Variants in RIMS1 observed in about 807,000 individuals in gnomAD.
RIMS1 encodes the protein regulating synaptic membrane exocytosis protein 1.
RIMS1 carries 83 observed loss-of-function variants against 214.1 expected under a neutral mutation model. That is an observed-to-expected ratio of 0.39 (90% CI 0.32 to 0.47). The LOEUF (loss-of-function observed/expected upper bound fraction) is 0.47. Among genes scored for constraint, RIMS1 ranks in the 20% least tolerant of loss-of-function variants. The pLI, the probability that RIMS1 is intolerant of heterozygous loss-of-function variation, is 0.99. For missense variants in RIMS1, 2,050 were observed against 2,161.8 expected (o/e 0.95, Z 1.03); for synonymous variants, 793 against 786.8 (o/e 1.01, Z -0.13).
At chr6:72,376,346 C>T (rs937572763) in intron 29 of RIMS1, among the ~76,000 whole-genome samples, 3 of 152,058 alleles carry the variant, frequency 2.0e-5, no homozygotes, top group African/African-American at 7.2e-5. Context: ...TCCCAGTCCC[C>T]GGTGTGTTAA....
Position 72,123,152 on chromosome 6 carries a change from A to G in RIMS1, c.471+23166A>G, listed in dbSNP as rs907231344. On this transcript the variant is annotated intron_variant, in intron 4 of 33. Coordinates refer to ENST00000521978, the MANE Select transcript of RIMS1 (RefSeq NM_014989.7). The stretch of plus-strand genomic sequence containing the variant: ...CTACACACTGCTTTAAATGTATCCC[A>G]GAGATTATGATATGTTGTGTCTTTG... Among the ~76,000 whole-genome samples, 3 of 151,754 alleles carry G rather than the reference A, an allele frequency of 2.0e-5. No homozygotes were observed. The South Asian group carries it at 6.3e-4, about 32-fold the overall frequency.
At chr6:72,173,615 A>C (rs575263195) in intron 4 of RIMS1, among the ~76,000 whole-genome samples, 1 of 152,276 alleles carries the variant, frequency 6.6e-6, no homozygotes, top group South Asian at 2.1e-4. Flanking sequence ...TCTGAACACT[A>C]ATTAAAGGTT....
chr6:72,038,090 C>CAAAAAAAAAAAAAAAA (rs869130217), intron 2 of RIMS1, among the ~76,000 whole-genome samples: 2 of 22,246 alleles, frequency 9.0e-5, no homozygotes, highest in Non-Finnish European at 1.6e-4. Context: ...AACAAACAAG[C>CAAAAAAAAAAAAAAAA]AAAAAAAAAA....
At chr6:72,334,023 G>A (rs1031264417) in intron 29 of RIMS1, among the ~76,000 whole-genome samples, 188 bp downstream of exon 29, 1 of 151,626 alleles carries the variant, frequency 6.6e-6, no homozygotes, top group Non-Finnish European at 1.5e-5. Flanking sequence ...CTCTTCACAA[G>A]GTATCACTTT....
intron 2 of RIMS1, among the ~76,000 whole-genome samples, chr6:72,029,143 G>A (rs1467886464): frequency 6.6e-6 from 1 of 152,084 alleles, no homozygotes; most frequent in Non-Finnish European, 1.5e-5. Flanking sequence ...TTTCTATGAT[G>A]TGGCTTGATC....
Position 72,339,235 on chromosome 6 carries a change from G to T in RIMS1, c.4366+5400G>T, listed in dbSNP as rs953527456. Among the ~76,000 whole-genome samples the T allele has an allele frequency of 3.3e-5, 5 of 151,644 alleles. No individual in the cohort carries two copies. The East Asian group carries it at 9.7e-4, about 30-fold the overall frequency. ...GGATAAGTACACAAGGAAGGACTTT[G>T]CACAACTGAGGGAAGAGTACTTTTT... On this transcript the variant is annotated intron_variant, in intron 29 of 33. Coordinates refer to ENST00000521978, the MANE Select transcript of RIMS1 (RefSeq NM_014989.7).
rs71540331 is a variant in RIMS1, at chr6:72,221,291, A to AGTGTGT, written c.1679-12456_1679-12451dup. Among the ~76,000 whole-genome samples the AGTGTGT allele has an allele frequency of 6.4e-3, 888 of 138,624 alleles. 14 individuals carry two copies. Among genetic ancestry groups the AGTGTGT allele is most frequent in the African/African-American group, 0.022 (846 of 38,088 alleles). The allele number at this position is 138,624 out of a possible 152,430, so 90.9% of individuals were successfully genotyped here. On this transcript the variant is annotated intron_variant, in intron 6 of 33. Coordinates refer to ENST00000521978, the MANE Select transcript of RIMS1 (RefSeq NM_014989.7). The stretch of plus-strand genomic sequence containing the variant: ...ATGGTAGGCCCAAAGATCTGGGGTG[A>AGTGTGT]GTGTGTGTGTGTGTGTGTGTGTGTG...
At position 71,887,054 on chromosome 6, in the gene RIMS1, C is replaced by T. The variant is rs372470757; in HGVS notation, c.31C>T (p.Arg11Cys). The T allele has an allele frequency of 3.7e-6, 6 of 1,613,412 alleles. No individual in the cohort carries two copies. Among genetic ancestry groups the T allele is most frequent in the East Asian group, 2.2e-5 (1 of 44,866 alleles). The change falls in exon 1 of 34, where the codon CGC (arginine) becomes TGC (cysteine). Residue 11 changes from arginine (R) to cysteine (C), a missense_variant. Around this residue, in one of 6 missense-constraint regions of RIMS1, gnomAD observed 882 missense variants for 828.9 expected, o/e 1.06. Transcript: ENST00000521978. ...CTCGGCCGTGGGGCCCCGCGGTCCT[C>T]GCCCACCCACGGTGCCTCCCCCCAT... MSSAVGPRGP[R>C]PPTVPPPMQE...
intron 28 of RIMS1, among the ~76,000 whole-genome samples, chr6:72,320,197 T>G (rs192473438): frequency 7.7e-4 from 117 of 152,236 alleles, no homozygotes; most frequent in African/African-American, 2.3e-3. Flanking sequence ...GTTATGCCCA[T>G]GGACTGTTGG....
intron 1 of RIMS1, among the ~76,000 whole-genome samples, chr6:71,956,280 T>C (rs1791255610): frequency 6.6e-6 from 1 of 152,132 alleles, no homozygotes; most frequent in African/African-American, 2.4e-5. Flanking sequence ...GTTTTAATCT[T>C]TCTCTTTCTT....
chr6:71,914,219 A>G (rs1163756460), intron 1 of RIMS1, among the ~76,000 whole-genome samples: 1 of 152,164 alleles, frequency 6.6e-6, no homozygotes, highest in African/African-American at 2.4e-5. Flanking sequence ...TGCTTCTACT[A>G]TAAACAATGT....
At chr6:71,993,231 A>G (rs1414080445) in intron 2 of RIMS1, among the ~76,000 whole-genome samples, 1 of 152,198 alleles carries the variant, frequency 6.6e-6, no homozygotes. Flanking sequence ...AGAGAAAAGA[A>G]GACTGTTTTG....
chr6:72,299,769 G>A (rs978891239), intron 26 of RIMS1, among the ~76,000 whole-genome samples: 3 of 151,826 alleles, frequency 2.0e-5, no homozygotes, highest in Non-Finnish European at 2.9e-5. Context: ...TACTGTGGTT[G>A]TGAAACACTA....
intron 1 of RIMS1, among the ~76,000 whole-genome samples, chr6:71,950,951 A>C (rs773812031): frequency 7.9e-5 from 12 of 152,214 alleles, no homozygotes; most frequent in Non-Finnish European, 1.6e-4. Context: ...AAAGAAAGCC[A>C]GCATTTTAAG....
At chr6:71,962,972 G>A (rs1359115596) in intron 1 of RIMS1, among the ~76,000 whole-genome samples, 2 of 152,058 alleles carry the variant, frequency 1.3e-5, no homozygotes, top group Non-Finnish European at 2.9e-5. Context: ...ATATTCTGAT[G>A]TCACCATTGT....
At chr6:71,923,168 G>A (rs1245051902) in intron 1 of RIMS1, among the ~76,000 whole-genome samples, 2 of 152,120 alleles carry the variant, frequency 1.3e-5, no homozygotes, top group South Asian at 2.1e-4. Flanking sequence ...CCGCAGATAG[G>A]TTTCTATATT....
At chr6:72,356,403 C>T (rs2097646546) in intron 29 of RIMS1, among the ~76,000 whole-genome samples, 1 of 152,088 alleles carries the variant, frequency 6.6e-6, no homozygotes, top group Admixed American at 6.6e-5. Flanking sequence ...AAAGACAGGG[C>T]ATAGCCTCAA....
chr6:71,972,997 C>T (rs1442406754), intron 2 of RIMS1, among the ~76,000 whole-genome samples: 2 of 152,146 alleles, frequency 1.3e-5, no homozygotes, highest in Non-Finnish European at 2.9e-5. Flanking sequence ...CTCACTGCAA[C>T]CTCTGCCTCC....
intron 29 of RIMS1, among the ~76,000 whole-genome samples, chr6:72,348,177 GT>G (rs1191328221): frequency 6.6e-5 from 10 of 152,000 alleles, no homozygotes; most frequent in African/African-American, 2.4e-4. Flanking sequence ...ATAAAAACAT[GT>G]TTTTTAAGTT....
Sources: gnomAD v4.1 joint callset for allele counts (sites outside exome capture counted in the v4.1 genomes callset) on GRCh38, gnomAD v4.1.1 for gene constraint, gnomAD v4.1.1 regional missense constraint, MANE v1.5 for transcripts, NCBI Gene and HGNC (gene_info 2026-07-23, HGNC 2026-07-21) for gene names.